CEP120: variants seen among roughly 807,000 people sequenced by gnomAD.
The protein encoded by CEP120 is centrosomal protein 120, also known as centrosomal protein of 120 kDa.
CEP120 carries 113 observed loss-of-function variants against 126.5 expected under a neutral mutation model. The observed-to-expected ratio is 0.89, with a 90% CI of 0.77 to 1.04. The LOEUF (loss-of-function observed/expected upper bound fraction) is 1.04. Ranked by LOEUF, CEP120 falls within the 50% of genes least tolerant of loss-of-function variation. The pLI is 0.00. For synonymous variants in CEP120, 400 were observed against 394.3 expected (o/e 1.01, Z -0.17); for missense variants, 1,230 against 1,155.7 (o/e 1.06, Z -0.93).
At chr5:123,384,539 G>T (rs1771891049) in intron 11 of CEP120, among the ~76,000 whole-genome samples, 1 of 151,858 alleles carries the variant, frequency 6.6e-6, no homozygotes, top group South Asian at 2.1e-4. Flanking sequence ...TTTGATTTGG[G>T]GTAGGAGTAA....
Position 123,422,965 on chromosome 5 carries a change from C to A in CEP120, c.34G>T (p.Val12Leu), listed in dbSNP as rs760631495. Reference protein sequence around the residue: ...VSKSDQLLIVVSILEGRHFPK... With the variant: ...VSKSDQLLIVLSILEGRHFPK... ...GGCTGCTCACCTTCTAGGATGGACA[C>A]GACGATGAGCAATTGGTCGGATTTG... The change falls in exon 1 of 20, where the codon GTG becomes TTG. Residue 12 changes from valine to leucine, a missense_variant. Val to Leu is a conservative substitution (Grantham distance 32, BLOSUM62 1). Transcript: ENST00000306467. The A allele has an allele frequency of 6.2e-7, 1 of 1,614,132 alleles. No individual in the cohort carries two copies. The highest frequency in any genetic ancestry group is 1.1e-5 in the South Asian group (1 of 91,090).
At chr5:123,401,070 G>A (rs979614445) in intron 4 of CEP120, 11 of 1,578,006 alleles carry the variant, frequency 7.0e-6, no homozygotes, top group Middle Eastern at 2.0e-4. Context: ...CCCACAGGCC[G>A]AGCTCAGACC....
intron 6 of CEP120, among the ~76,000 whole-genome samples, chr5:123,391,956 G>C (rs1772429499): frequency 6.6e-6 from 1 of 151,406 alleles, no homozygotes; most frequent in South Asian, 2.1e-4. Context: ...ATCACCTTTT[G>C]ACAAGTACAA....
At chr5:123,357,635 A>T (rs1466847980) in intron 18 of CEP120, among the ~76,000 whole-genome samples, 2 of 152,082 alleles carry the variant, frequency 1.3e-5, no homozygotes, top group African/African-American at 2.4e-5. Context: ...GGTGACGTGC[A>T]CCTGTAGTCC....
In CEP120 at chr5:123,382,806, C is replaced by T. The variant is rs760786764; in HGVS notation, c.1944G>A (p.Thr648=). Residue 648 remains threonine, a synonymous_variant, in exon 13 of 20, where the codon ACG becomes ACA. Transcript: ENST00000306467. ...GCTCAAGTGCTGCTTTGTATTCTAA[C>T]GTTTCACGAGGCTCTGTCTGGATCT... ...PSEIQTEPRE[T]LEYKAALELE... is the part of the protein sequence containing the mutation. 2.6e-5 allele frequency: 42 copies of T among 1,613,270 alleles called. No homozygotes were observed. Among genetic ancestry groups the T allele is most frequent in the Middle Eastern group, 1.6e-4 (1 of 6,078 alleles).
intron 4 of CEP120, 41 bp downstream of exon 4, chr5:123,412,358 T>C (rs1478356283): frequency 1.9e-6 from 3 of 1,567,612 alleles, no homozygotes; most frequent in African/African-American, 1.4e-5. Context: ...AGTCCAAAGA[T>C]GGAACTTCTC....
intron 18 of CEP120, among the ~76,000 whole-genome samples, chr5:123,356,259 T>C (rs1769613745): frequency 6.6e-6 from 1 of 152,136 alleles, no homozygotes; most frequent in Non-Finnish European, 1.5e-5. Context: ...GACTTGGCAA[T>C]GCAGGCTCTT....
Position 123,404,507 on chromosome 5 carries a change from G to A in CEP120, c.464-5223C>T, listed in dbSNP as rs115466794. Among the ~76,000 whole-genome samples, 1,118 of 152,274 alleles carry A rather than the reference G, an allele frequency of 7.3e-3. 13 individuals carry two copies. Among genetic ancestry groups the A allele is most frequent in the African/African-American group, 0.026 (1,069 of 41,536 alleles). On this transcript the variant is annotated intron_variant, in intron 4 of 19. Transcript: ENST00000306467. The stretch of plus-strand genomic sequence containing the variant: ...ATAAATAGTATTGCATTGGAAGAGC[G>A]TGTACAGAATGAGAAGAAATTTCTT...
intron 3 of CEP120, among the ~76,000 whole-genome samples, chr5:123,413,485 G>A (rs1277865516): frequency 1.3e-5 from 2 of 151,960 alleles, no homozygotes; most frequent in African/African-American, 4.8e-5. Flanking sequence ...ACCAACCTCA[G>A]AAATTCTAGT....
Position 123,345,214 on chromosome 5 carries a change from G to A in CEP120, c.*1305C>T, listed in dbSNP as rs1768725344. On this transcript the variant is annotated 3_prime_UTR_variant, in exon 20 of 20. Transcript: ENST00000306467. ...TTCAGATTCATTATCCTCTCATTCAGTAATTTCTTTATTATTTACTGCTGG... is the reference window on the plus strand; with the variant it reads ...TTCAGATTCATTATCCTCTCATTCAATAATTTCTTTATTATTTACTGCTGG... 1 of 151,790 alleles carries A rather than the reference G, an allele frequency of 6.6e-6. No individual in the cohort carries two copies. 9.4% of individuals were successfully genotyped at this position (151,790 alleles called of 1,614,324 possible). A position where few individuals can be genotyped will look rare whatever the true frequency, so the allele number is the denominator to read the frequency against.
At chr5:123,366,600 T>C (rs1428392) in intron 17 of CEP120, among the ~76,000 whole-genome samples, 108,691 of 151,716 alleles carry the variant, frequency 0.72, 39,081 homozygotes, top group African/African-American at 0.75. Flanking sequence ...CTCTACATTT[T>C]TCTCTTGAAA....
intron 4 of CEP120, among the ~76,000 whole-genome samples, chr5:123,410,131 G>A (rs145621866): frequency 1.3e-4 from 20 of 151,922 alleles, no homozygotes; most frequent in African/African-American, 4.6e-4. Flanking sequence ...TAAAGAATTC[G>A]TATATAAATC....
Position 123,423,044 on chromosome 5 carries a change from A to G in CEP120, c.-46T>C. The G allele has an allele frequency of 6.4e-7, 1 of 1,556,574 alleles. No homozygotes were observed. Among genetic ancestry groups the G allele is most frequent in the Non-Finnish European group, 8.9e-7 (1 of 1,128,610 alleles). ...GGGCGAAGGCGGCTGGGGGGAAGTG[A>G]GGTCCAGTTGAGTCGCGGGTAATCC... is the stretch of plus-strand genomic sequence containing the variant. On this transcript the variant is annotated 5_prime_UTR_variant, in exon 1 of 20. Coordinates refer to ENST00000306467, the MANE Select transcript of CEP120 (RefSeq NM_001375405.1).
intron 5 of CEP120, 92 bp downstream of exon 5, chr5:123,399,044 C>A: frequency 3.3e-6 from 3 of 908,028 alleles, no homozygotes; most frequent in Non-Finnish European, 4.6e-6. Context: ...AAAAAAAAGT[C>A]TACTTGCAAG....
chr5:123,372,599 T>G, intron 17 of CEP120, 51 bp downstream of exon 17: 1 of 1,529,802 alleles, frequency 6.5e-7, no homozygotes, highest in Non-Finnish European at 9.0e-7. Flanking sequence ...TGATTGATTT[T>G]ATAAATTAAT....
chr5:123,372,588 T>C (rs1230329230), intron 17 of CEP120, 62 bp downstream of exon 17: 45 of 1,460,540 alleles, frequency 3.1e-5, no homozygotes, highest in Non-Finnish European at 3.7e-5. Context: ...ATACACATTA[T>C]TGATTGATTT....
chr5:123,402,625 C>G (rs367692366), intron 4 of CEP120, among the ~76,000 whole-genome samples: 25 of 152,130 alleles, frequency 1.6e-4, no homozygotes, highest in African/African-American at 4.8e-4. Context: ...GTTGGCCAGG[C>G]CAGTCTCAAA....
At chr5:123,380,133 A>G (rs1357161576) in intron 14 of CEP120, among the ~76,000 whole-genome samples, 2 of 152,158 alleles carry the variant, frequency 1.3e-5, no homozygotes, top group Admixed American at 1.3e-4. Flanking sequence ...AGGCTCACAT[A>G]TAATTGACAT....
chr5:123,391,733 C>T (rs1772415695), intron 6 of CEP120, among the ~76,000 whole-genome samples: 1 of 152,078 alleles, frequency 6.6e-6, no homozygotes, highest in African/African-American at 2.4e-5. Flanking sequence ...AATTTAAACA[C>T]AGTTTCAAAA....
Sources: gnomAD v4.1 joint callset for allele counts (sites outside exome capture counted in the v4.1 genomes callset) on GRCh38, gnomAD v4.1.1 for gene constraint, MANE v1.5 for transcripts, NCBI Gene and HGNC (gene_info 2026-07-23, HGNC 2026-07-21) for gene names.